The following PTPRG variants were observed in gnomAD, a reference collection of about 807,000 sequenced individuals.
PTPRG encodes receptor-type tyrosine-protein phosphatase gamma.
Under a neutral mutation model 165.3 loss-of-function variants are expected in PTPRG, and 102 were observed. The ratio of observed to expected loss-of-function variants is 0.62; its 90% CI spans 0.53 to 0.73. The LOEUF (loss-of-function observed/expected upper bound fraction) is 0.73. Among genes scored for constraint, PTPRG ranks in the 30% least tolerant of loss-of-function variants. The probability of loss-of-function intolerance (pLI) is 0.00; values close to 1 mark genes in which losing one functional copy is unlikely to be tolerated. For missense variants in PTPRG, 1,866 were observed against 1,861.4 expected, an observed-to-expected ratio of 1.00 and a Z score of -0.05; for synonymous variants, 675 against 669.5, an observed-to-expected ratio of 1.01 and a Z score of -0.13.
chr3:62,103,658 G>C (rs1039444378), intron 5 of PTPRG, among the ~76,000 whole-genome samples: 5 of 152,178 alleles, frequency 3.3e-5, no homozygotes, highest in Admixed American at 3.3e-4. Flanking sequence ...GACAGTTGGT[G>C]AATAAAAGCA....
intron 4 of PTPRG, among the ~76,000 whole-genome samples, chr3:62,024,350 A>G (rs991698331): frequency 2.6e-5 from 4 of 152,152 alleles, no homozygotes; most frequent in Non-Finnish European, 4.4e-5. Flanking sequence ...TGTCCATGAT[A>G]TAATTATTTT....
intron 2 of PTPRG, among the ~76,000 whole-genome samples, chr3:61,965,288 G>T (rs927785850): frequency 1.9e-4 from 29 of 150,444 alleles, no homozygotes; most frequent in Non-Finnish European, 1.2e-4. Flanking sequence ...TTAAGCTACG[G>T]TGGCTCACAC....
At chr3:61,873,189 A>G (rs759898618) in intron 2 of PTPRG, among the ~76,000 whole-genome samples, 5 of 152,188 alleles carry the variant, frequency 3.3e-5, no homozygotes, top group Non-Finnish European at 5.9e-5. Context: ...GGTGACATGT[A>G]CAAGAATATT....
chr3:62,135,839 G>A (rs1450478171), intron 6 of PTPRG, among the ~76,000 whole-genome samples: 1 of 152,178 alleles, frequency 6.6e-6, no homozygotes, highest in African/African-American at 2.4e-5. Context: ...GGAAGTCTTT[G>A]CCAAGCTGTC....
intron 2 of PTPRG, among the ~76,000 whole-genome samples, chr3:61,830,759 A>G (rs2036264170): frequency 6.6e-6 from 1 of 151,676 alleles, no homozygotes; most frequent in African/African-American, 2.4e-5. Context: ...TTTTTAGTAG[A>G]GATGGGGATT....
At chr3:62,227,955 C>T (rs944596679) in intron 13 of PTPRG, among the ~76,000 whole-genome samples, 1 of 152,156 alleles carries the variant, frequency 6.6e-6, no homozygotes, top group Non-Finnish European at 1.5e-5. Flanking sequence ...CTCAGATTCC[C>T]TTGTGTCCGT....
At chr3:61,920,912 A>G (rs2039062003) in intron 2 of PTPRG, among the ~76,000 whole-genome samples, 1 of 152,210 alleles carries the variant, frequency 6.6e-6, no homozygotes, top group Non-Finnish European at 1.5e-5. Context: ...AGTTGATGGT[A>G]TCTTAGATTT....
chr3:61,775,363 A>G (rs1423711713), intron 2 of PTPRG, among the ~76,000 whole-genome samples: 1 of 152,108 alleles, frequency 6.6e-6, no homozygotes, highest in African/African-American at 2.4e-5. Context: ...GAGGCACTGC[A>G]CCAGGCCCCT....
intron 25 of PTPRG, 112 bp downstream of exon 25, chr3:62,277,160 T>C: frequency 2.5e-6 from 2 of 815,770 alleles, no homozygotes; most frequent in Non-Finnish European, 3.9e-6. Flanking sequence ...CAATGTGTAA[T>C]ATGAAAAGTA....
intron 2 of PTPRG, among the ~76,000 whole-genome samples, chr3:61,938,861 A>G (rs1318779270): frequency 1.3e-5 from 2 of 152,214 alleles, no homozygotes; most frequent in Non-Finnish European, 2.9e-5. Flanking sequence ...ATATCCAGGT[A>G]TAATTGGTTT....
chr3:61,647,961 A>G (rs1702250573), intron 1 of PTPRG, among the ~76,000 whole-genome samples: 1 of 151,980 alleles, frequency 6.6e-6, no homozygotes, highest in Admixed American at 6.6e-5. Flanking sequence ...TTGTCTATCT[A>G]CTGACACTCC....
chr3:61,621,093 GTTA>G (rs1292258192), intron 1 of PTPRG, among the ~76,000 whole-genome samples: 6 of 137,664 alleles, frequency 4.4e-5, no homozygotes, highest in African/African-American at 1.6e-4. Context: ...TTATTTATCT[GTTA>G]TGTTCTTATA....
At chr3:61,966,272 T>C (rs148242977) in intron 2 of PTPRG, among the ~76,000 whole-genome samples, 70 of 152,330 alleles carry the variant, frequency 4.6e-4, no homozygotes, top group Admixed American at 9.2e-4. Context: ...AGTTAATTAC[T>C]TGTGTGCACA....
intron 1 of PTPRG, among the ~76,000 whole-genome samples, chr3:61,631,552 C>T (rs1400954635): frequency 1.3e-5 from 2 of 152,164 alleles, no homozygotes; most frequent in African/African-American, 4.8e-5. Context: ...CAGCTCCATC[C>T]ATGGTTTCAG....
At chr3:61,684,933 T>A (rs1317513277) in intron 1 of PTPRG, among the ~76,000 whole-genome samples, 1 of 152,154 alleles carries the variant, frequency 6.6e-6, no homozygotes, top group Non-Finnish European at 1.5e-5. Flanking sequence ...TTCCCTGCCA[T>A]TGACTGACCT....
rs59050750 is a variant in PTPRG at position 62,093,590 on chromosome 3, G to A, written c.615+15332G>A. Among the ~76,000 whole-genome samples the A allele has an allele frequency of 1.2e-3, 187 of 152,314 alleles. 1 individual carries two copies. The highest frequency in any genetic ancestry group is 4.4e-3 in the African/African-American group (181 of 41,568). ...AGGATATGACTGGCACCAGAGGACG[G>A]TATACGTTTTCATGCTTCCTCCCTT... On this transcript the variant is annotated intron_variant, in intron 5 of 29. Coordinates refer to ENST00000474889, the MANE Select transcript of PTPRG (RefSeq NM_002841.4).
At chr3:61,813,146 T>C (rs1019198700) in intron 2 of PTPRG, among the ~76,000 whole-genome samples, 1 of 151,856 alleles carries the variant, frequency 6.6e-6, no homozygotes, top group Non-Finnish European at 1.5e-5. Context: ...CTCAACGGAA[T>C]GGTAGAGCAT....
At chr3:62,029,887 C>T (rs562174541) in intron 4 of PTPRG, among the ~76,000 whole-genome samples, 7 of 152,222 alleles carry the variant, frequency 4.6e-5, no homozygotes, top group South Asian at 2.1e-4. Flanking sequence ...TTCATATTGC[C>T]GGCCACCTTC....
At chr3:61,808,514 C>T (rs1294640227) in intron 2 of PTPRG, among the ~76,000 whole-genome samples, 1 of 152,146 alleles carries the variant, frequency 6.6e-6, no homozygotes, top group Non-Finnish European at 1.5e-5. Context: ...TCATCATAAC[C>T]TTCCCAGGCA....
Sources: allele counts gnomAD v4.1 joint callset (sites outside exome capture counted in the v4.1 genomes callset), GRCh38; gene constraint gnomAD v4.1.1; transcripts MANE v1.5; gene names NCBI Gene and HGNC (gene_info 2026-07-23, HGNC 2026-07-21).